The following ZNF562 variants were observed in gnomAD, a reference collection of about 807,000 sequenced individuals.
ZNF562 encodes zinc finger protein 562.
Under a neutral mutation model 17.5 loss-of-function variants are expected in ZNF562, and 13 were observed. The ratio of observed to expected loss-of-function variants is 0.74; its 90% CI spans 0.48 to 1.18. The LOEUF (loss-of-function observed/expected upper bound fraction) is 1.18, where lower values mean the gene tolerates loss of function less well. Among genes scored for constraint, ZNF562 ranks in the 50% most tolerant of loss-of-function variants. ZNF562 has a pLI of 0.00. For missense variants in ZNF562, 481 were observed against 498.5 expected, an observed-to-expected ratio of 0.96 and a Z score of 0.33; for synonymous variants, 163 against 165.4, an observed-to-expected ratio of 0.99 and a Z score of 0.11.
At chr19:9,669,729 C>CGCGA (rs1555699527) in intron 1 of ZNF562, among the ~76,000 whole-genome samples, 1 of 95,734 alleles carries the variant, frequency 1.0e-5, no homozygotes, top group African/African-American at 3.5e-5. Flanking sequence ...CGCGCGCGCG[C>CGCGA]GCGCGCACAC....
chr19:9,661,772 G>A (rs545902236), intron 1 of ZNF562, among the ~76,000 whole-genome samples: 2 of 152,126 alleles, frequency 1.3e-5, no homozygotes, highest in Non-Finnish European at 2.9e-5. Flanking sequence ...TCCAGCCCAG[G>A]TGACAGTGCG....
intron 1 of ZNF562, among the ~76,000 whole-genome samples, chr19:9,662,774 GGAGGCTGAGGCAGGACAATGGCGT>G (rs1484531258): frequency 6.6e-6 from 1 of 151,906 alleles, no homozygotes; most frequent in Non-Finnish European, 1.5e-5. Context: ...CAGCTACTTG[GGAGGCTGAGGCAGGACAATGGCGT>G]GAACTTGAGG....
At position 9,647,331 on chromosome 19, in the gene ZNF562, C is replaced by T. The variant is rs937204779; in HGVS notation, c.*5618G>A. On this transcript the variant is annotated 3_prime_UTR_variant, in exon 6 of 6. Coordinates refer to ENST00000453372, the MANE Select transcript of ZNF562 (RefSeq NM_001130031.2). ...TCTTGACCTCATGATCTGCCTGCCT[C>T]AGCCTCCCAAAGTGGTGGGATTACA... 2 of 152,152 alleles carry T rather than the reference C, an allele frequency of 1.3e-5. No homozygotes were observed. The highest frequency in any genetic ancestry group is 2.1e-4 in the South Asian group (1 of 4,828). 9.4% of individuals were successfully genotyped at this position (152,152 alleles called of 1,614,324 possible). A position where few individuals can be genotyped will look rare whatever the true frequency, so the allele number is the denominator to read the frequency against.
At chr19:9,655,201 C>T (rs1221016402) in intron 5 of ZNF562, among the ~76,000 whole-genome samples, 2 of 152,064 alleles carry the variant, frequency 1.3e-5, no homozygotes, top group East Asian at 1.9e-4. Context: ...GTTGCCCAGG[C>T]TGGTCTTGAT....
intron 3 of ZNF562, 108 bp downstream of exon 3, chr19:9,659,271 C>T: frequency 1.0e-6 from 1 of 997,338 alleles, no homozygotes; most frequent in Non-Finnish European, 1.5e-6. Flanking sequence ...TTGAGTAAGG[C>T]TTCATTTGCT....
At position 9,643,062 on chromosome 19, in the gene ZNF562, AAG is replaced by A. The variant is rs1159920197; in HGVS notation, c.*9885_*9886del. 28,071 of 136,940 alleles carry A rather than the reference AAG, an allele frequency of 0.2. 3,224 individuals carry two copies. Among genetic ancestry groups the A allele is most frequent in the Admixed American group, 0.31 (4,178 of 13,640 alleles). The allele number at this position is 136,940 out of a possible 1,614,324, so 8.5% of individuals were successfully genotyped here. ...GTCTCTGGAAAAAAAAAAAAAAAAA[AAG>A]AACACCACCGGCCACTGTGGCTCAT... On this transcript the variant is annotated 3_prime_UTR_variant, in exon 6 of 6. Transcript: ENST00000453372.
chr19:9,669,725 C>CGT (rs2044090473), intron 1 of ZNF562, among the ~76,000 whole-genome samples: 6 of 83,042 alleles, frequency 7.2e-5, no homozygotes, highest in South Asian at 3.5e-4. Context: ...CGAGCGCGCG[C>CGT]GCGCGCGCGC....
intron 1 of ZNF562, among the ~76,000 whole-genome samples, chr19:9,668,804 A>C (rs1434073211): frequency 6.6e-6 from 1 of 151,526 alleles, no homozygotes; most frequent in Non-Finnish European, 1.5e-5. Flanking sequence ...AAAGAACCTA[A>C]ATACAAATCT....
At chr19:9,662,009 A>G (rs941645434) in intron 1 of ZNF562, among the ~76,000 whole-genome samples, 1 of 151,672 alleles carries the variant, frequency 6.6e-6, no homozygotes, top group African/African-American at 2.4e-5. Context: ...CAATCCTCCC[A>G]CCTTGGCCTC....
intron 1 of ZNF562, among the ~76,000 whole-genome samples, chr19:9,662,299 C>T (rs1399401757): frequency 1.3e-5 from 2 of 152,088 alleles, no homozygotes; most frequent in East Asian, 1.9e-4. Flanking sequence ...GATGGCCAGG[C>T]GCGGTGGCTC....
At chr19:9,656,735 AAG>A in intron 4 of ZNF562, 82 bp from the exon 5 acceptor site, 1 of 1,437,680 alleles carries the variant, frequency 7.0e-7, no homozygotes. Flanking sequence ...ATGAAAATAA[AAG>A]CCACAGGCCA....
intron 4 of ZNF562, among the ~76,000 whole-genome samples, 182 bp from the exon 5 acceptor site, chr19:9,656,835 CA>C (rs2043503912): frequency 6.7e-6 from 1 of 148,578 alleles, no homozygotes; most frequent in Admixed American, 6.7e-5. Context: ...CCATCCTGAC[CA>C]AAATGGTGAA....
intron 3 of ZNF562, chr19:9,658,477 G>GT (rs2043606363): frequency 3.0e-6 from 1 of 331,914 alleles, no homozygotes; most frequent in African/African-American, 2.2e-5. Context: ...AGCCTCCCAA[G>GT]TAGATGGGAT....
intron 1 of ZNF562, among the ~76,000 whole-genome samples, chr19:9,662,201 A>G (rs1438326887): frequency 6.6e-6 from 1 of 152,202 alleles, no homozygotes; most frequent in Non-Finnish European, 1.5e-5. Flanking sequence ...CTTGCACAGA[A>G]CAACTCAGTA....
chr19:9,653,458 T>G lies in ZNF562; in HGVS notation c.772A>C (p.Lys258Gln). 6.2e-7 allele frequency: 1 copy of G among 1,614,240 alleles called. No homozygotes were observed. The highest frequency in any genetic ancestry group is 8.5e-7 in the Non-Finnish European group (1 of 1,180,050). Residue 258 changes from lysine to glutamine, a missense_variant, in exon 6 of 6, where the codon AAA becomes CAA. Around this residue, in one of 2 missense-constraint regions of ZNF562, gnomAD observed 403 missense variants for 386.4 expected, o/e 1.04. Transcript: ENST00000453372. Reference protein sequence around the residue: ...KQCVAVHTGKKSEKTKNCGKS... With the variant: ...KQCVAVHTGKQSEKTKNCGKS... The stretch of plus-strand genomic sequence containing the variant: ...CCACAGTTCTTAGTCTTTTCGGATT[T>G]CTTTCCAGTATGAACTGCTACACAC...
intron 1 of ZNF562, among the ~76,000 whole-genome samples, chr19:9,662,042 A>C (rs2043767676): frequency 6.6e-6 from 1 of 152,100 alleles, no homozygotes; most frequent in Admixed American, 6.6e-5. Flanking sequence ...GATAATAAGC[A>C]TGAGCCACCA....
intron 1 of ZNF562, among the ~76,000 whole-genome samples, chr19:9,670,189 T>C (rs1276807069): frequency 1.3e-5 from 2 of 151,852 alleles, no homozygotes; most frequent in African/African-American, 2.4e-5. Context: ...CAGTGAGCCA[T>C]GATTATGCCA....
rs1424801408 is a variant in ZNF562 at position 9,652,847 on chromosome 19, G to A, written c.*102C>T. 1.8e-6 allele frequency: 2 copies of A among 1,114,532 alleles called. No homozygotes were observed. The highest frequency in any genetic ancestry group is 1.6e-5 in the African/African-American group (1 of 63,756). The allele number at this position is 1,114,532 out of a possible 1,614,324, so 69.0% of individuals were successfully genotyped here. A position where few individuals can be genotyped will look rare whatever the true frequency, so the allele number is the denominator to read the frequency against. Reference sequence around the variant, plus strand: ...ATGCATACTTAGGCATGAGGAAAGAGCAAATGCTTTCCCAAATTCTTTACA... The same window carrying A: ...ATGCATACTTAGGCATGAGGAAAGAACAAATGCTTTCCCAAATTCTTTACA... On this transcript the variant is annotated 3_prime_UTR_variant, in exon 6 of 6. Transcript: ENST00000453372.
At chr19:9,666,506 A>G (rs2043965933) in intron 1 of ZNF562, among the ~76,000 whole-genome samples, 2 of 152,212 alleles carry the variant, frequency 1.3e-5, no homozygotes, top group Non-Finnish European at 2.9e-5. Context: ...TAGAAAAGCA[A>G]AAACAAACCA....
Sources: gnomAD v4.1 joint callset for allele counts (sites outside exome capture counted in the v4.1 genomes callset) on GRCh38, gnomAD v4.1.1 for gene constraint, gnomAD v4.1.1 regional missense constraint, MANE v1.5 for transcripts, NCBI Gene and HGNC (gene_info 2026-07-23, HGNC 2026-07-21) for gene names.